Variants in XPNPEP1 observed in about 807,000 individuals in gnomAD.
XPNPEP1 encodes the protein X-prolyl aminopeptidase 1.
In XPNPEP1, 39 loss-of-function variants were observed where a neutral mutation model predicts 92.4. The ratio of observed to expected loss-of-function variants is 0.42; its 90% confidence interval spans 0.33 to 0.55. The LOEUF is 0.55. Among genes scored for constraint, XPNPEP1 ranks in the 20% least tolerant of loss-of-function variants. XPNPEP1 has a pLI of 0.08. For missense variants in XPNPEP1, 654 were observed against 856.1 expected (o/e 0.76, Z 2.95); for synonymous variants, 307 against 299.4 (o/e 1.03, Z -0.26).
chr10:109,887,708 G>A (rs1185542351), intron 7 of XPNPEP1, among the ~76,000 whole-genome samples: 2 of 152,170 alleles, frequency 1.3e-5, no homozygotes, highest in African/African-American at 4.8e-5. Flanking sequence ...AAGGGAAATG[G>A]AACCTAGAAA....
At chr10:109,916,167 A>C (rs1428509201) in intron 1 of XPNPEP1, among the ~76,000 whole-genome samples, 2 of 152,228 alleles carry the variant, frequency 1.3e-5, no homozygotes, top group Admixed American at 6.5e-5. Flanking sequence ...AAGGGGAAGG[A>C]TTATTTCATA....
In XPNPEP1 at chr10:109,882,441, G is replaced by A. The variant is rs770639237; in HGVS notation, c.1032C>T (p.Thr344=). Residue 344 remains threonine (T), a synonymous_variant, in exon 10 of 21, where the codon ACC becomes ACT. Coordinates refer to ENST00000502935, the MANE Select transcript of XPNPEP1 (RefSeq NM_020383.4). ...AAGTGGGGTCACCAACCTTGGGGAT[G>A]GTCTCGCTCACAGCATAGCTGGCCT... The part of the protein sequence containing the change: ...SDKASYAVSE[T]IPKDHRCCMP... 35 of 1,610,786 alleles carry A rather than the reference G, an allele frequency of 2.2e-5. No individual in the cohort carries two copies. The Admixed American group carries it at 4.8e-4, about 22-fold the overall frequency.
At chr10:109,874,742 G>T (rs1202571866) in intron 15 of XPNPEP1, among the ~76,000 whole-genome samples, 1 of 152,204 alleles carries the variant, frequency 6.6e-6, no homozygotes, top group African/African-American at 2.4e-5. Flanking sequence ...GAGGTCAGGA[G>T]ATCGAGACCA....
chr10:109,888,059 C>T lies in XPNPEP1; in HGVS notation c.642G>A (p.Leu214=). 2 of 1,614,040 alleles carry T rather than the reference C, an allele frequency of 1.2e-6. No homozygotes were observed. Among genetic ancestry groups the T allele is most frequent in the Non-Finnish European group, 8.5e-7 (1 of 1,180,002 alleles). Residue 214 remains leucine (L), a synonymous_variant, in exon 7 of 21, where the codon CTG becomes CTA. Transcript: ENST00000502935. ...ACCATTGATTCTGACCTGTGTAATC[C>T]AGGCCCAGTGTGAGGAGAGGCTTGC... The part of the protein sequence containing the change: ...RPCKPLLTLG[L]DYTGISWKDK...
chr10:109,891,790 C>T lies in XPNPEP1; in HGVS notation c.347G>A (p.Trp116Ter). Residue 116 changes from tryptophan to a stop codon, truncating the protein, a stop_gained, in exon 5 of 21, where the codon TGG becomes TAG. Transcript: ENST00000502935. LOFTEE classifies it high-confidence loss of function. ...AIITEEHAAM[W>*]TDGRYFLQAA... The stretch of plus-strand genomic sequence containing the variant: ...CTGGAGAAAGTAGCGCCCGTCAGTC[C>T]ACATGGCTGCATGCTCTTCTGTGAT... The T allele has an allele frequency of 6.2e-7, 1 of 1,604,900 alleles. No individual in the cohort carries two copies. Among genetic ancestry groups the T allele is most frequent in the Non-Finnish European group, 8.5e-7 (1 of 1,177,494 alleles).
intron 2 of XPNPEP1, 36 bp downstream of exon 2, chr10:109,914,975 C>T: frequency 2.8e-6 from 4 of 1,407,958 alleles, no homozygotes; most frequent in South Asian, 2.7e-5. Flanking sequence ...AAATCCTTTA[C>T]AGATGTTCCA....
intron 15 of XPNPEP1, 153 bp downstream of exon 15, chr10:109,875,375 G>T: frequency 1.7e-6 from 1 of 591,758 alleles, no homozygotes; most frequent in Non-Finnish European, 3.0e-6. Flanking sequence ...TCAAATAGGG[G>T]TGAAAAAAAT....
At chr10:109,872,014 C>T (rs1038609348) in intron 16 of XPNPEP1, among the ~76,000 whole-genome samples, 153 bp from the exon 17 acceptor site, 2 of 152,158 alleles carry the variant, frequency 1.3e-5, no homozygotes, top group African/African-American at 4.8e-5. Flanking sequence ...GGAAAAAAAG[C>T]CTGGCCACGG....
At chr10:109,884,365 G>T in intron 8 of XPNPEP1, 1 of 534,232 alleles carries the variant, frequency 1.9e-6, no homozygotes, top group Admixed American at 3.6e-5. Flanking sequence ...TGTTTCTCAG[G>T]CTTCCACATC....
At position 109,868,774 on chromosome 10, in the gene XPNPEP1, G is replaced by A. The variant is rs761512868; in HGVS notation, c.1774-62C>T. ...TCTTTACTATGCTGAAGCACCATGA[G>A]GTCATTCCACCAGCATGCCATCCCT... On this transcript the variant is annotated intron_variant, in intron 19 of 20. Transcript: ENST00000502935. 153 of 1,485,754 alleles carry A rather than the reference G, an allele frequency of 1.0e-4. 1 individual carries two copies. Among genetic ancestry groups the A allele is most frequent in the Non-Finnish European group, 1.4e-4 (145 of 1,068,720 alleles). 92.0% of individuals were successfully genotyped at this position (1,485,754 alleles called of 1,614,324 possible). A position where few individuals can be genotyped will look rare whatever the true frequency, so the allele number is the denominator to read the frequency against.
chr10:109,890,609 A>T (rs1252008886), intron 5 of XPNPEP1, among the ~76,000 whole-genome samples: 23 of 151,454 alleles, frequency 1.5e-4, no homozygotes, highest in Admixed American at 4.6e-4. Flanking sequence ...AGAGAGAGAG[A>T]GAGAGAGAGA....
chr10:109,892,067 C>T (rs997696180), intron 4 of XPNPEP1, among the ~76,000 whole-genome samples: 4 of 152,120 alleles, frequency 2.6e-5, no homozygotes, highest in African/African-American at 7.2e-5. Flanking sequence ...GGTCCCTGCA[C>T]AAAAAGGACT....
In XPNPEP1 at chr10:109,882,641, G is replaced by A. The variant is rs765786759; in HGVS notation, c.832C>T (p.Leu278Phe). The part of the protein sequence containing the change: ...YAIIGLETIM[L>F]FIDGDRIDAP... The stretch of plus-strand genomic sequence containing the variant: ...TCTATGCGGTCACCATCAATGAAGA[G>A]CCTGCAGATGGAGGAGAGGTGGGTG... Residue 278 changes from leucine to phenylalanine, a missense_variant and splice_region_variant, in exon 10 of 21, where the codon CTC becomes TTC. Coordinates refer to ENST00000502935, the MANE Select transcript of XPNPEP1 (RefSeq NM_020383.4). The A allele has an allele frequency of 3.1e-6, 5 of 1,614,062 alleles. No individual in the cohort carries two copies. The highest frequency in any genetic ancestry group is 4.5e-5 in the East Asian group (2 of 44,880).
intron 10 of XPNPEP1, among the ~76,000 whole-genome samples, 163 bp downstream of exon 10, chr10:109,882,269 G>C (rs77994334): frequency 6.2e-4 from 94 of 152,188 alleles, no homozygotes; most frequent in Non-Finnish European, 1.2e-3. Flanking sequence ...AAGCAATAAG[G>C]GCCCTCAGGC....
At chr10:109,896,058 T>A (rs555175762) in intron 3 of XPNPEP1, among the ~76,000 whole-genome samples, 1 of 152,336 alleles carries the variant, frequency 6.6e-6, no homozygotes, top group East Asian at 1.9e-4. Flanking sequence ...GCTCTTTGCA[T>A]ATCCTGAGCT....
chr10:109,865,013 G>T lies in XPNPEP1; in HGVS notation c.*171C>A. On this transcript the variant is annotated 3_prime_UTR_variant, in exon 21 of 21. Transcript: ENST00000502935. ...ATTAAAAAATCATAAAAGACTGAGT[G>T]TTTGCAATAAAATATCAAAGAGGAT... 2.1e-6 allele frequency: 2 copies of T among 950,076 alleles called. No homozygotes were observed. The highest frequency in any genetic ancestry group is 3.1e-6 in the Non-Finnish European group (2 of 653,276). The allele number at this position is 950,076 out of a possible 1,614,324, so 58.9% of individuals were successfully genotyped here.
chr10:109,918,690 G>T (rs561026016), intron 1 of XPNPEP1, among the ~76,000 whole-genome samples: 17 of 152,172 alleles, frequency 1.1e-4, no homozygotes, highest in African/African-American at 2.6e-4. Flanking sequence ...GAACCCAGGA[G>T]GGGGAGCTTG....
In XPNPEP1 at chr10:109,871,868, A is replaced by G; in HGVS notation, c.1453-7T>C. On this transcript the variant is annotated splice_polypyrimidine_tract_variant and splice_region_variant and intron_variant, in intron 16 of 20. Coordinates refer to ENST00000502935, the MANE Select transcript of XPNPEP1 (RefSeq NM_020383.4). ...GGACATATGTGAAGCATTCCTGCAA[A>G]GAAAACCCAGGGGCATGTTGCAGAA... 1 of 1,613,502 alleles carries G rather than the reference A, an allele frequency of 6.2e-7. No homozygotes were observed. The highest frequency in any genetic ancestry group is 8.5e-7 in the Non-Finnish European group (1 of 1,179,800).
In XPNPEP1 at chr10:109,873,400, T is replaced by C. The variant is rs188371935; in HGVS notation, c.1419A>G (p.Thr473=). 1,649 of 1,614,176 alleles carry C rather than the reference T, an allele frequency of 1.0e-3. 13 individuals carry two copies. The highest frequency in any genetic ancestry group is 8.3e-3 in the East Asian group (373 of 44,880). The change falls in exon 16 of 21, where the codon ACA becomes ACG. Residue 473 remains threonine, a synonymous_variant. Coordinates refer to ENST00000502935, the MANE Select transcript of XPNPEP1 (RefSeq NM_020383.4). ...AGGCTGTAGGGGTCCCAAAATGCAT[T>C]GTCCGCGTCACATCTGTGGTGCCAT... ...YKDGTTDVTR[T]MHFGTPTAYE...
Sources: allele counts gnomAD v4.1 joint callset (sites outside exome capture counted in the v4.1 genomes callset), GRCh38; gene constraint gnomAD v4.1.1; transcripts MANE v1.5; gene names NCBI Gene and HGNC (gene_info 2026-07-23, HGNC 2026-07-21).